Variants in FCHSD2 observed in about 807,000 individuals in gnomAD.
FCHSD2 encodes the protein F-BAR and double SH3 domains protein 2.
A neutral mutation model predicts 108.1 loss-of-function variants in FCHSD2; 38 were observed. That is an observed-to-expected ratio of 0.35 (90% CI 0.27 to 0.46). The LOEUF is 0.46. Among genes scored for constraint, FCHSD2 ranks in the 20% least tolerant of loss-of-function variants. The pLI is 1.00. For synonymous variants in FCHSD2, 279 were observed against 314.7 expected (o/e 0.89, Z 1.20); for missense variants, 751 against 897.8 (o/e 0.84, Z 2.09).
intron 3 of FCHSD2, among the ~76,000 whole-genome samples, chr11:73,029,518 A>T (rs1053556503): frequency 6.6e-6 from 1 of 152,170 alleles, no homozygotes; most frequent in Non-Finnish European, 1.5e-5. Flanking sequence ...ATGTTCCTGG[A>T]ACAACTCCTA....
rs530659981 is a variant in FCHSD2, at chr11:72,857,406, C to T, written c.1309-7517G>A. On this transcript the variant is annotated intron_variant, in intron 13 of 19. Coordinates refer to ENST00000409418, the MANE Select transcript of FCHSD2 (RefSeq NM_014824.3). ...CTTTCTAGCCATACTAACGTTTACC[C>T]TTTCTTAGATGTTGTAAAATGCTTA... is the stretch of plus-strand genomic sequence containing the variant. 2.0e-5 allele frequency among the ~76,000 whole-genome samples: 3 copies of T among 151,128 alleles called. No homozygotes were observed. The East Asian group carries it at 5.8e-4, about 29-fold the overall frequency.
In FCHSD2 at chr11:72,843,064, CTTT is replaced by C; in HGVS notation, c.1705+84_1705+86del. The C allele has an allele frequency of 2.3e-6, 3 of 1,325,674 alleles. No homozygotes were observed. The Admixed American group carries it at 6.0e-5, about 27-fold the overall frequency. The allele number at this position is 1,325,674 out of a possible 1,614,324, so 82.1% of individuals were successfully genotyped here. The stretch of plus-strand genomic sequence containing the variant: ...ATTATAGGACAGGAGGAAAGTTGTG[CTTT>C]TTATCCTACTGAAGGCTTACTCCAG... On this transcript the variant is annotated intron_variant, in intron 16 of 19. Transcript: ENST00000409418.
At chr11:73,081,711 T>A (rs933030758) in intron 3 of FCHSD2, among the ~76,000 whole-genome samples, 3 of 152,008 alleles carry the variant, frequency 2.0e-5, no homozygotes, top group African/African-American at 7.3e-5. Context: ...TATCACAGAC[T>A]TTCATCTCAA....
chr11:72,957,257 C>T lies in FCHSD2; in HGVS notation c.705+26831G>A, dbSNP rs1856731812. ...GTCCATGTGATCTCATTGTTCAATT[C>T]CCACCTATGAGTGAGAATATGCGGT... On this transcript the variant is annotated intron_variant, in intron 8 of 19. Transcript: ENST00000409418. 2.2e-5 allele frequency among the ~76,000 whole-genome samples: 3 copies of T among 138,874 alleles called. No individual in the cohort carries two copies. In the Admixed American group the frequency reaches 2.4e-4, roughly 11 times the overall value. The allele number at this position is 138,874 out of a possible 152,430, so 91.1% of individuals were successfully genotyped here.
At chr11:73,016,126 A>T (rs944085665) in intron 3 of FCHSD2, among the ~76,000 whole-genome samples, 2 of 152,094 alleles carry the variant, frequency 1.3e-5, no homozygotes, top group African/African-American at 4.8e-5. Flanking sequence ...AACATGGTGA[A>T]AATCTATCTC....
At chr11:73,066,049 C>G (rs887257187) in intron 3 of FCHSD2, among the ~76,000 whole-genome samples, 6 of 152,152 alleles carry the variant, frequency 3.9e-5, no homozygotes, top group Non-Finnish European at 5.9e-5. Flanking sequence ...ATTGCCAAAA[C>G]AATCCTGGGC....
chr11:73,048,916 G>C (rs909401692), intron 3 of FCHSD2, among the ~76,000 whole-genome samples: 1 of 152,228 alleles, frequency 6.6e-6, no homozygotes, highest in Non-Finnish European at 1.5e-5. Context: ...GCAAGATGTT[G>C]ATCGAGTAAC....
intron 3 of FCHSD2, among the ~76,000 whole-genome samples, chr11:73,058,770 G>A (rs113432199): frequency 0.023 from 3,538 of 151,906 alleles, 138 homozygotes; most frequent in African/African-American, 0.079. Flanking sequence ...GTTTTACCAT[G>A]TTGGCCAGGC....
At chr11:73,034,023 T>C (rs1858429203) in intron 3 of FCHSD2, among the ~76,000 whole-genome samples, 2 of 152,152 alleles carry the variant, frequency 1.3e-5, no homozygotes, top group East Asian at 3.8e-4. Flanking sequence ...CGATAGCAAA[T>C]ATATCATCTT....
At chr11:72,856,109 CATTA>C (rs1186459036) in intron 13 of FCHSD2, among the ~76,000 whole-genome samples, 8 of 152,164 alleles carry the variant, frequency 5.3e-5, no homozygotes, top group South Asian at 2.1e-4. Context: ...AGAGCCATTA[CATTA>C]ATTAATTAAA....
rs552991370 is a variant in FCHSD2 at position 73,096,875 on chromosome 11, T to C, written c.120-13135A>G. Among the ~76,000 whole-genome samples, 36 of 151,548 alleles carry C rather than the reference T, an allele frequency of 2.4e-4. No individual in the cohort carries two copies. In the South Asian group the frequency reaches 3.8e-3, roughly 16 times the overall value. ...TTCCTTCCATTCCTAGTTTTCTGAG[T>C]CTTTTTATCATGAAAGAGTGTTAAA... is the stretch of plus-strand genomic sequence containing the variant. On this transcript the variant is annotated intron_variant, in intron 2 of 19. Transcript: ENST00000409418.
intron 18 of FCHSD2, 78 bp downstream of exon 18, chr11:72,841,374 GTT>G: frequency 1.3e-6 from 1 of 755,962 alleles, no homozygotes; most frequent in Non-Finnish European, 2.0e-6. Context: ...AGCAAATGCA[GTT>G]TTTTTTTGCC....
At chr11:73,027,105 T>C (rs1187658541) in intron 3 of FCHSD2, among the ~76,000 whole-genome samples, 2 of 152,026 alleles carry the variant, frequency 1.3e-5, no homozygotes, top group Non-Finnish European at 2.9e-5. Flanking sequence ...ACCTTGGAAC[T>C]GGGTAGCAGG....
At chr11:72,991,965 C>G (rs1477764205) in intron 5 of FCHSD2, among the ~76,000 whole-genome samples, 1 of 152,142 alleles carries the variant, frequency 6.6e-6, no homozygotes, top group Non-Finnish European at 1.5e-5. Flanking sequence ...AAGAGGAAGT[C>G]AAATTGTCCC....
intron 8 of FCHSD2, chr11:72,940,375 A>G (rs1214880499): frequency 2.2e-6 from 1 of 463,836 alleles, no homozygotes. Flanking sequence ...AAATGCAGTT[A>G]CCAAATATTG....
At chr11:73,075,453 T>C (rs1859527040) in intron 3 of FCHSD2, among the ~76,000 whole-genome samples, 1 of 152,242 alleles carries the variant, frequency 6.6e-6, no homozygotes, top group Non-Finnish European at 1.5e-5. Context: ...AGGACATTAC[T>C]AGAACTAGAA....
Position 72,850,775 on chromosome 11 carries a change from G to C in FCHSD2, c.1309-886C>G, listed in dbSNP as rs1370922916. ...TGACAAGGGCCTCTAAATTTTAACTGATCCTGTTAGTGAACATTAAAAAGG... is the reference window on the plus strand; with the variant it reads ...TGACAAGGGCCTCTAAATTTTAACTCATCCTGTTAGTGAACATTAAAAAGG... On this transcript the variant is annotated intron_variant, in intron 13 of 19. Coordinates refer to ENST00000409418, the MANE Select transcript of FCHSD2 (RefSeq NM_014824.3). Among the ~76,000 whole-genome samples, 4 of 151,950 alleles carry C rather than the reference G, an allele frequency of 2.6e-5. 1 individual carries two copies. The highest frequency in any genetic ancestry group is 2.6e-4 in the Admixed American group (4 of 15,250).
intron 2 of FCHSD2, among the ~76,000 whole-genome samples, chr11:73,101,238 T>C (rs1188858407): frequency 6.6e-6 from 1 of 152,210 alleles, no homozygotes; most frequent in Non-Finnish European, 1.5e-5. Context: ...CCATCTCAGT[T>C]GCACAGAAAA....
chr11:73,108,934 T>A (rs1343582282), intron 2 of FCHSD2, among the ~76,000 whole-genome samples: 1 of 152,246 alleles, frequency 6.6e-6, no homozygotes, highest in Non-Finnish European at 1.5e-5. Flanking sequence ...ATGGGTCTGG[T>A]TTCATTCTTC....
Sources: gnomAD v4.1 joint callset for allele counts (sites outside exome capture counted in the v4.1 genomes callset) on GRCh38, gnomAD v4.1.1 for gene constraint, MANE v1.5 for transcripts, NCBI Gene and HGNC (gene_info 2026-07-23, HGNC 2026-07-21) for gene names.